Variants in TBCK observed in about 807,000 individuals in gnomAD.
TBCK encodes the protein TBC1 domain containing kinase, also known as TBC domain-containing protein kinase-like protein.
TBCK carries 99 observed loss-of-function variants against 113.4 expected under a neutral mutation model. That is an observed-to-expected ratio of 0.87 (90% CI 0.74 to 1.03). The LOEUF (loss-of-function observed/expected upper bound fraction) is 1.03. TBCK is among the 50% of genes least tolerant of loss of function. The pLI is 0.00. For missense variants in TBCK, 1,045 were observed against 1,061.3 expected (o/e 0.98, Z 0.21); for synonymous variants, 369 against 370.8 (o/e 1.00, Z 0.05).
chr4:106,280,280 T>C (rs548892471), intron 3 of TBCK, among the ~76,000 whole-genome samples: 1 of 152,154 alleles, frequency 6.6e-6, no homozygotes, highest in Non-Finnish European at 1.5e-5. Context: ...TATTGGAATA[T>C]TAGATTTTTT....
At chr4:106,275,380 G>C (rs1446747451) in intron 3 of TBCK, among the ~76,000 whole-genome samples, 1 of 151,974 alleles carries the variant, frequency 6.6e-6, no homozygotes, top group Non-Finnish European at 1.5e-5. Context: ...AGGAAATATT[G>C]ACCATTCAAT....
intron 1 of TBCK, among the ~76,000 whole-genome samples, chr4:106,313,501 TA>T (rs1444490633): frequency 6.6e-6 from 1 of 152,208 alleles, no homozygotes; most frequent in African/African-American, 2.4e-5. Flanking sequence ...ATACGAACAT[TA>T]AAAAATAAAA....
In TBCK at chr4:106,237,140, A is replaced by G. The variant is rs1379954971; in HGVS notation, c.1171-332T>C. On this transcript the variant is annotated intron_variant, in intron 12 of 25. Coordinates refer to ENST00000394708, the MANE Select transcript of TBCK (RefSeq NM_001163435.3). The stretch of plus-strand genomic sequence containing the variant: ...ATGAATGGGAAAAAAATTTTAAGTT[A>G]TATGAAGAAAGATGATTAAAAAGAG... 2.6e-5 allele frequency among the ~76,000 whole-genome samples: 4 copies of G among 152,232 alleles called. 1 individual carries two copies. The East Asian group carries it at 7.7e-4, about 29-fold the overall frequency.
At chr4:106,201,255 C>A (rs1754858948) in intron 20 of TBCK, among the ~76,000 whole-genome samples, 1 of 151,700 alleles carries the variant, frequency 6.6e-6, no homozygotes, top group African/African-American at 2.4e-5. Context: ...ATTATTTTTT[C>A]TTTCTATATT....
intron 24 of TBCK, among the ~76,000 whole-genome samples, chr4:106,100,533 C>T (rs1447860740): frequency 6.6e-6 from 1 of 152,062 alleles, no homozygotes; most frequent in Non-Finnish European, 1.5e-5. Context: ...TAGGGAAAAG[C>T]TAGGGACCTC....
At chr4:106,296,898 G>C (rs1766369849) in intron 2 of TBCK, among the ~76,000 whole-genome samples, 1 of 152,062 alleles carries the variant, frequency 6.6e-6, no homozygotes, top group East Asian at 1.9e-4. Context: ...ACTTAACAAA[G>C]AAAAGCGTAT....
At chr4:106,231,330 G>A (rs1758834871) in intron 18 of TBCK, among the ~76,000 whole-genome samples, 1 of 151,684 alleles carries the variant, frequency 6.6e-6, no homozygotes, top group Admixed American at 6.6e-5. Context: ...TAAATACAAA[G>A]TGCTTTATGG....
intron 25 of TBCK, among the ~76,000 whole-genome samples, chr4:106,052,036 T>C (rs987690873): frequency 1.9e-4 from 29 of 152,020 alleles, no homozygotes; most frequent in African/African-American, 7.0e-4. Flanking sequence ...TGTTCCCCCA[T>C]ACTGAGATAA....
At chr4:106,183,776 C>T (rs1308308874) in intron 22 of TBCK, among the ~76,000 whole-genome samples, 3 of 152,118 alleles carry the variant, frequency 2.0e-5, no homozygotes, top group Admixed American at 2.0e-4. Flanking sequence ...TCTTGCTTTG[C>T]TTTTTTGTTC....
In TBCK at chr4:106,295,168, T is replaced by C. The variant is rs1337949906; in HGVS notation, c.194-2A>G. The C allele has an allele frequency of 6.2e-7, 1 of 1,609,238 alleles. No individual in the cohort carries two copies. Among genetic ancestry groups the C allele is most frequent in the Non-Finnish European group, 8.5e-7 (1 of 1,178,556 alleles). ...GTTCAGCCACGACCACTAGTCGTTCTGAGAAAAACAAAGCAAACCCATGTT... is the reference window on the plus strand; with the variant it reads ...GTTCAGCCACGACCACTAGTCGTTCCGAGAAAAACAAAGCAAACCCATGTT... On this transcript the variant is annotated splice_acceptor_variant, in intron 2 of 25. Transcript: ENST00000394708. LOFTEE classifies it high-confidence loss of function.
intron 24 of TBCK, among the ~76,000 whole-genome samples, chr4:106,100,840 C>T (rs1741465876): frequency 6.6e-6 from 1 of 152,180 alleles, no homozygotes; most frequent in Non-Finnish European, 1.5e-5. Context: ...ACATGCTCAT[C>T]CACAATTCTT....
At chr4:106,062,192 T>C (rs1361551461) in intron 25 of TBCK, among the ~76,000 whole-genome samples, 2 of 151,910 alleles carry the variant, frequency 1.3e-5, no homozygotes, top group Non-Finnish European at 2.9e-5. Flanking sequence ...TTTCTACTTT[T>C]AAACAAGTCC....
At chr4:106,269,084 T>C (rs878959818) in intron 3 of TBCK, among the ~76,000 whole-genome samples, 1 of 152,108 alleles carries the variant, frequency 6.6e-6, no homozygotes, top group Admixed American at 6.6e-5. Context: ...AATTTTCCTT[T>C]TGGTCTAAAA....
At chr4:106,109,166 T>A (rs1421578229) in intron 24 of TBCK, among the ~76,000 whole-genome samples, 2 of 152,056 alleles carry the variant, frequency 1.3e-5, no homozygotes, top group African/African-American at 2.4e-5. Flanking sequence ...ATGCTATGGA[T>A]CGGAAGGATC....
intron 20 of TBCK, among the ~76,000 whole-genome samples, chr4:106,203,192 G>A (rs908482296): frequency 5.9e-5 from 9 of 151,496 alleles, no homozygotes; most frequent in African/African-American, 2.2e-4. Context: ...TTTGAAATAC[G>A]GAATCAGTAT....
At position 106,261,283 on chromosome 4, in the gene TBCK, TTG is replaced by T. The variant is rs547999691; in HGVS notation, c.382-775_382-774del. Among the ~76,000 whole-genome samples the T allele has an allele frequency of 3.0e-4, 46 of 152,144 alleles. No individual in the cohort carries two copies. In the East Asian group the frequency reaches 8.3e-3, roughly 28 times the overall value. On this transcript the variant is annotated intron_variant, in intron 4 of 25. Transcript: ENST00000394708. ...TGAGTACAATTTTCTATTTTTGTGT[TTG>T]TGTGTTTGTTTTTTAGAGACAGGGT... is the stretch of plus-strand genomic sequence containing the variant.
intron 5 of TBCK, among the ~76,000 whole-genome samples, chr4:106,255,543 T>C (rs1761894484): frequency 6.6e-6 from 1 of 152,182 alleles, no homozygotes; most frequent in Admixed American, 6.5e-5. Context: ...CTTCCATGGC[T>C]GGCACCAGGG....
chr4:106,056,337 T>C (rs1735394100), intron 25 of TBCK, among the ~76,000 whole-genome samples: 1 of 150,028 alleles, frequency 6.7e-6, no homozygotes, highest in African/African-American at 2.4e-5. Flanking sequence ...ACTCCTGGGA[T>C]CAAGTGATCC....
chr4:106,283,248 A>G (rs1015070667), intron 3 of TBCK, among the ~76,000 whole-genome samples: 1 of 152,156 alleles, frequency 6.6e-6, no homozygotes, highest in African/African-American at 2.4e-5. Flanking sequence ...TATACTTACA[A>G]CTTTAGGAGA....
Sources: gnomAD v4.1 joint callset for allele counts (sites outside exome capture counted in the v4.1 genomes callset) on GRCh38, gnomAD v4.1.1 for gene constraint, MANE v1.5 for transcripts, NCBI Gene and HGNC (gene_info 2026-07-23, HGNC 2026-07-21) for gene names.